Variants in DLC1 observed in about 807,000 individuals in gnomAD.
DLC1 encodes rho GTPase-activating protein 7.
A neutral mutation model predicts 140.3 loss-of-function variants in DLC1; 54 were observed. The ratio of observed to expected loss-of-function variants is 0.38; its 90% CI spans 0.31 to 0.48. The LOEUF is 0.48. Among genes scored for constraint, DLC1 ranks in the 20% least tolerant of loss-of-function variants. The probability of loss-of-function intolerance (pLI) is 0.96; values close to 1 mark genes in which losing one functional copy is unlikely to be tolerated. For synonymous variants in DLC1, 986 were observed against 728.1 expected (o/e 1.35, Z -5.70); for missense variants, 2,536 against 1,907.0 (o/e 1.33, Z -6.14).
At chr8:13,125,259 G>A (rs1186468790) in intron 5 of DLC1, among the ~76,000 whole-genome samples, 2 of 152,216 alleles carry the variant, frequency 1.3e-5, no homozygotes, top group Admixed American at 6.5e-5. Flanking sequence ...TTACAGGCAT[G>A]AGCCACCAAA....
intron 2 of DLC1, among the ~76,000 whole-genome samples, chr8:13,447,703 T>G (rs2116952369): frequency 6.6e-6 from 1 of 152,336 alleles, no homozygotes; most frequent in African/African-American, 2.4e-5. Flanking sequence ...ATGTACAAGA[T>G]CATATAAGAA....
intron 4 of DLC1, among the ~76,000 whole-genome samples, chr8:13,387,676 A>C (rs1212517865): frequency 6.6e-6 from 1 of 152,056 alleles, no homozygotes; most frequent in Non-Finnish European, 1.5e-5. Flanking sequence ...TTTTGCTTAT[A>C]TGTGGTATAG....
intron 1 of DLC1, among the ~76,000 whole-genome samples, chr8:13,534,811 T>G (rs1485175722): frequency 6.6e-6 from 1 of 152,186 alleles, no homozygotes; most frequent in Non-Finnish European, 1.5e-5. Context: ...CTTTACATTT[T>G]TTAAAAGTTT....
chr8:13,303,048 C>T (rs991406476), intron 5 of DLC1, among the ~76,000 whole-genome samples: 15 of 152,010 alleles, frequency 9.9e-5, no homozygotes, highest in African/African-American at 2.4e-4. Flanking sequence ...TATTCAGACA[C>T]GAACATTTGT....
At chr8:13,217,660 C>T (rs2117134617) in intron 5 of DLC1, among the ~76,000 whole-genome samples, 1 of 151,910 alleles carries the variant, frequency 6.6e-6, no homozygotes, top group East Asian at 1.9e-4. Context: ...TGGTGAAACT[C>T]TGTCTCTACT....
intron 2 of DLC1, among the ~76,000 whole-genome samples, chr8:13,463,315 C>G (rs771094173): frequency 6.6e-6 from 1 of 151,934 alleles, no homozygotes; most frequent in Non-Finnish European, 1.5e-5. Context: ...GAGAATAATA[C>G]TTGGGTGATT....
At chr8:13,364,268 T>A (rs11989137) in intron 4 of DLC1, among the ~76,000 whole-genome samples, 1,919 of 151,988 alleles carry the variant, frequency 0.013, 40 homozygotes, top group African/African-American at 0.044. Flanking sequence ...GTTAAAGCTA[T>A]TTTTAAGTTT....
intron 1 of DLC1, among the ~76,000 whole-genome samples, chr8:13,590,521 C>G (rs941893675): frequency 6.6e-6 from 1 of 152,002 alleles, no homozygotes; most frequent in East Asian, 1.9e-4. Flanking sequence ...GAGGAAGACA[C>G]CAGTGTTTTC....
At chr8:13,230,370 C>A (rs1828989086) in intron 5 of DLC1, among the ~76,000 whole-genome samples, 1 of 152,102 alleles carries the variant, frequency 6.6e-6, no homozygotes, top group South Asian at 2.1e-4. Context: ...GTTTATTACA[C>A]CTTTTCCCTC....
intron 5 of DLC1, among the ~76,000 whole-genome samples, chr8:13,190,438 T>C (rs1826681902): frequency 6.6e-6 from 1 of 152,208 alleles, no homozygotes; most frequent in Admixed American, 6.5e-5. Context: ...ATAAAATCTG[T>C]CTGCAGACAG....
At chr8:13,543,393 A>G (rs1294604755) in intron 1 of DLC1, among the ~76,000 whole-genome samples, 8 of 152,156 alleles carry the variant, frequency 5.3e-5, no homozygotes, top group Non-Finnish European at 1.2e-4. Flanking sequence ...GAATTTTAAA[A>G]TGTGTCTTTT....
chr8:13,574,099 C>T (rs980237938), intron 1 of DLC1, among the ~76,000 whole-genome samples: 4 of 152,144 alleles, frequency 2.6e-5, no homozygotes, highest in Non-Finnish European at 4.4e-5. Flanking sequence ...TGTAATCTGT[C>T]AGTGTTCTGA....
chr8:13,542,852 A>G (rs1343816103), intron 1 of DLC1, among the ~76,000 whole-genome samples: 1 of 152,086 alleles, frequency 6.6e-6, no homozygotes, highest in African/African-American at 2.4e-5. Flanking sequence ...TATTGGTTCT[A>G]ATAACTTTTT....
intron 1 of DLC1, among the ~76,000 whole-genome samples, chr8:13,598,674 A>G (rs929446813): frequency 1.3e-5 from 2 of 152,108 alleles, no homozygotes; most frequent in Admixed American, 6.6e-5. Context: ...TCAATATAAT[A>G]CTTACTATTA....
At chr8:13,365,131 C>G (rs759294143) in intron 4 of DLC1, among the ~76,000 whole-genome samples, 2 of 152,196 alleles carry the variant, frequency 1.3e-5, no homozygotes, top group Non-Finnish European at 2.9e-5. Context: ...TTTTAAATTT[C>G]CATGTCACAA....
intron 5 of DLC1, among the ~76,000 whole-genome samples, chr8:13,156,248 C>T (rs180987480): frequency 6.6e-6 from 1 of 152,278 alleles, no homozygotes; most frequent in Admixed American, 6.5e-5. Context: ...AGTCCTATAG[C>T]AACTTTCTGC....
chr8:13,100,323 C>T lies in DLC1; in HGVS notation c.2014G>A (p.Glu672Lys), dbSNP rs754603207. 3 of 1,614,174 alleles carry T rather than the reference C, an allele frequency of 1.9e-6. No individual in the cohort carries two copies. The highest frequency in any genetic ancestry group is 1.1e-5 in the South Asian group (1 of 91,080). ...SKTRSLLKRM[E>K]SLKLKSSHHS... is the part of the protein sequence containing the mutation. ...TGGGAGCTCTTGAGCTTCAGGCTCT[C>T]CATCCGTTTCAGCAGACTGCGCGTC... is the stretch of plus-strand genomic sequence containing the variant. Residue 672 changes from glutamate to lysine, a missense_variant, in exon 9 of 18, where the codon GAG becomes AAG. Glu to Lys is a moderately conservative substitution (Grantham distance 56). Transcript: ENST00000276297.
chr8:13,259,319 G>T (rs10503443), intron 5 of DLC1, among the ~76,000 whole-genome samples: 1 of 151,906 alleles, frequency 6.6e-6, no homozygotes, highest in Non-Finnish European at 1.5e-5. Flanking sequence ...ATCCAGTGCT[G>T]TGAATCATAA....
intron 2 of DLC1, among the ~76,000 whole-genome samples, chr8:13,445,492 C>T (rs960079749): frequency 6.6e-6 from 1 of 152,172 alleles, no homozygotes; most frequent in Non-Finnish European, 1.5e-5. Flanking sequence ...ATTCTACCCT[C>T]AACTCAAAGG....
Sources: gnomAD v4.1 joint callset for allele counts (sites outside exome capture counted in the v4.1 genomes callset) on GRCh38, gnomAD v4.1.1 for gene constraint, MANE v1.5 for transcripts, NCBI Gene and HGNC (gene_info 2026-07-23, HGNC 2026-07-21) for gene names.